The following MLIP variants were observed in gnomAD, a reference collection of about 807,000 sequenced individuals.
MLIP encodes muscular LMNA-interacting protein.
Under a neutral mutation model 84.8 loss-of-function variants are expected in MLIP, and 79 were observed. The observed-to-expected ratio is 0.93, with a 90% CI of 0.78 to 1.12. MLIP has a LOEUF of 1.12. Ranked by LOEUF, MLIP falls within the 50% of genes most tolerant of loss-of-function variation. The pLI is 0.00. For missense variants in MLIP, 1,257 were observed against 1,160.6 expected, an observed-to-expected ratio of 1.08 and a Z score of -1.21; for synonymous variants, 504 against 463.0, an observed-to-expected ratio of 1.09 and a Z score of -1.14.
intron 3 of MLIP, among the ~76,000 whole-genome samples, chr6:54,135,329 A>C (rs1379052739): frequency 6.6e-6 from 1 of 152,096 alleles, no homozygotes; most frequent in Non-Finnish European, 1.5e-5. Flanking sequence ...GGTGTTATTT[A>C]TGTAGCAAGA....
chr6:54,215,082 G>T (rs1779756857), intron 11 of MLIP: 4 of 1,323,074 alleles, frequency 3.0e-6, no homozygotes, highest in Admixed American at 4.1e-5. Context: ...GCTCCTATTT[G>T]TAACCTTTTC....
At chr6:54,086,805 T>G (rs1767525285) in intron 1 of MLIP, among the ~76,000 whole-genome samples, 2 of 152,176 alleles carry the variant, frequency 1.3e-5, no homozygotes, top group Non-Finnish European at 2.9e-5. Flanking sequence ...CCTAGATATC[T>G]GCATAATTTA....
chr6:54,183,211 T>A (rs1488394531), intron 9 of MLIP, among the ~76,000 whole-genome samples: 1 of 152,188 alleles, frequency 6.6e-6, no homozygotes, highest in Non-Finnish European at 1.5e-5. Flanking sequence ...AATAATGCAG[T>A]CATAGATCTT....
intron 12 of MLIP, among the ~76,000 whole-genome samples, chr6:54,231,412 TAG>T (rs1780989914): frequency 6.6e-6 from 1 of 152,136 alleles, no homozygotes; most frequent in African/African-American, 2.4e-5. Flanking sequence ...TCACTGTGTA[TAG>T]TAACGCGATG....
chr6:54,215,335 C>A (rs1322688451), intron 11 of MLIP: 3 of 1,331,686 alleles, frequency 2.3e-6, no homozygotes, highest in Non-Finnish European at 2.9e-6. Context: ...AAAAATCAGT[C>A]CTTACTGAAC....
At chr6:54,236,123 C>T (rs943554609) in intron 12 of MLIP, among the ~76,000 whole-genome samples, 2 of 152,166 alleles carry the variant, frequency 1.3e-5, no homozygotes, top group Non-Finnish European at 2.9e-5. Context: ...CAAAACCATC[C>T]GTATTTGTGA....
At chr6:54,213,003 A>G (rs1460634814) in intron 11 of MLIP, among the ~76,000 whole-genome samples, 1 of 152,216 alleles carries the variant, frequency 6.6e-6, no homozygotes, top group East Asian at 1.9e-4. Context: ...GAAGGTGAAC[A>G]TGTCTTTGCA....
chr6:54,203,170 A>G (rs984982408), intron 11 of MLIP, among the ~76,000 whole-genome samples: 2 of 152,184 alleles, frequency 1.3e-5, no homozygotes, highest in East Asian at 3.8e-4. Context: ...ATATTTGTGA[A>G]AAATATGAAA....
intron 12 of MLIP, among the ~76,000 whole-genome samples, chr6:54,243,990 C>T (rs2150844951): frequency 6.6e-6 from 1 of 152,246 alleles, no homozygotes; most frequent in East Asian, 1.9e-4. Flanking sequence ...ATTCTTTTGG[C>T]AGAACTTTCC....
At chr6:54,091,047 T>C (rs1205988787) in intron 1 of MLIP, among the ~76,000 whole-genome samples, 1 of 152,060 alleles carries the variant, frequency 6.6e-6, no homozygotes, top group Admixed American at 6.6e-5. Flanking sequence ...TTGTAGGATA[T>C]TTAGAAACGT....
chr6:54,181,110 G>T (rs1243337533), intron 9 of MLIP, among the ~76,000 whole-genome samples: 1 of 152,126 alleles, frequency 6.6e-6, no homozygotes, highest in Non-Finnish European at 1.5e-5. Context: ...GTTCCCCCAG[G>T]CCCTCCGCGG....
chr6:54,250,930 T>A (rs1782432718), intron 12 of MLIP, among the ~76,000 whole-genome samples: 1 of 152,074 alleles, frequency 6.6e-6, no homozygotes, highest in African/African-American at 2.4e-5. Context: ...CACATTATTT[T>A]GTGTTTGGAC....
rs1554193586 is a variant in MLIP at position 54,249,734 on chromosome 6, C to CATATAT, written c.2923-7566_2923-7561dup. Among the ~76,000 whole-genome samples, 49 of 127,692 alleles carry CATATAT rather than the reference C, an allele frequency of 3.8e-4. No individual in the cohort carries two copies. In the South Asian group the frequency reaches 3.9e-3, roughly 10 times the overall value. 83.8% of individuals were successfully genotyped at this position (127,692 alleles called of 152,430 possible). A position where few individuals can be genotyped will look rare whatever the true frequency, so the allele number is the denominator to read the frequency against. On this transcript the variant is annotated intron_variant, in intron 12 of 13. Coordinates refer to ENST00000502396, the MANE Select transcript of MLIP (RefSeq NM_001281747.2). Reference sequence around the variant, plus strand: ...GAACACACACACACACACACACACACATATATATATATACACACACACATA... The same window carrying CATATAT: ...GAACACACACACACACACACACACACATATATATATATATATATACACACACACATA...
At chr6:54,041,368 A>G (rs917367356) in intron 1 of MLIP, among the ~76,000 whole-genome samples, 1 of 152,104 alleles carries the variant, frequency 6.6e-6, no homozygotes, top group African/African-American at 2.4e-5. Flanking sequence ...CAGTTAATAA[A>G]TGAAGCTGTT....
chr6:54,131,002 T>C (rs952705296), intron 3 of MLIP, among the ~76,000 whole-genome samples: 2 of 152,256 alleles, frequency 1.3e-5, no homozygotes, highest in South Asian at 4.1e-4. Flanking sequence ...GCGATTCAAG[T>C]GCCTGTTGGG....
intron 2 of MLIP, among the ~76,000 whole-genome samples, chr6:54,122,676 G>A (rs999599448): frequency 2.6e-5 from 4 of 151,974 alleles, no homozygotes; most frequent in South Asian, 2.1e-4. Flanking sequence ...ACTATATATG[G>A]CACTTCTAGA....
chr6:54,205,174 C>T (rs1035106138), intron 11 of MLIP, among the ~76,000 whole-genome samples: 5 of 152,300 alleles, frequency 3.3e-5, no homozygotes, highest in South Asian at 2.1e-4. Context: ...TAGATGCTTA[C>T]GTCTGCTTAA....
chr6:54,194,113 T>G (rs1026174098), intron 10 of MLIP, among the ~76,000 whole-genome samples: 1 of 152,210 alleles, frequency 6.6e-6, no homozygotes, highest in African/African-American at 2.4e-5. Flanking sequence ...AAGATGCTAT[T>G]TACTGGAACA....
rs551224091 is a variant in MLIP at position 54,078,936 on chromosome 6, C to T, written c.64-42511C>T. Among the ~76,000 whole-genome samples the T allele has an allele frequency of 1.1e-3, 170 of 152,172 alleles. 1 individual carries two copies. Among genetic ancestry groups the T allele is most frequent in the Non-Finnish European group, 2.0e-3 (139 of 67,998 alleles). On this transcript the variant is annotated intron_variant, in intron 1 of 12. Coordinates refer to the MLIP transcript ENST00000274897. Reference sequence around the variant, plus strand: ...AAACTCCTGACCTCAGGTGATCTGCCGGCCTTGGCCTCCCAAAGTGCTGGG... The same window carrying T: ...AAACTCCTGACCTCAGGTGATCTGCTGGCCTTGGCCTCCCAAAGTGCTGGG...
Sources: gnomAD v4.1 joint callset for allele counts (sites outside exome capture counted in the v4.1 genomes callset) on GRCh38, gnomAD v4.1.1 for gene constraint, MANE v1.5 for transcripts, NCBI Gene and HGNC (gene_info 2026-07-23, HGNC 2026-07-21) for gene names.